TOPAZ1: variants seen among roughly 807,000 people sequenced by gnomAD.
TOPAZ1 encodes testis and ovary specific TOPAZ 1, also known as protein TOPAZ1.
TOPAZ1 carries 66 observed loss-of-function variants against 172.2 expected under a neutral mutation model. That is an observed-to-expected ratio of 0.38 (90% confidence interval 0.31 to 0.47). The LOEUF (loss-of-function observed/expected upper bound fraction) is 0.47. Among genes scored for constraint, TOPAZ1 ranks in the 20% least tolerant of loss-of-function variants. The probability of loss-of-function intolerance (pLI) is 0.99; values close to 1 mark genes in which losing one functional copy is unlikely to be tolerated. For synonymous variants in TOPAZ1, 681 were observed against 683.9 expected (o/e 1.00, Z 0.07); for missense variants, 1,822 against 1,972.4 (o/e 0.92, Z 1.44).
At chr3:44,247,606 T>G (rs1699580638) in intron 2 of TOPAZ1, among the ~76,000 whole-genome samples, 1 of 152,166 alleles carries the variant, frequency 6.6e-6, no homozygotes, top group African/African-American at 2.4e-5. Flanking sequence ...TTTAAATTGG[T>G]TCAGTCCCTA....
At chr3:44,327,242 C>T (rs1377063009) in intron 18 of TOPAZ1, among the ~76,000 whole-genome samples, 1 of 152,182 alleles carries the variant, frequency 6.6e-6, no homozygotes, top group Admixed American at 6.5e-5. Flanking sequence ...AAAGATTAGC[C>T]ATTACCCATA....
chr3:44,316,331 G>A (rs1208181996), intron 16 of TOPAZ1, among the ~76,000 whole-genome samples: 1 of 152,144 alleles, frequency 6.6e-6, no homozygotes, highest in Admixed American at 6.5e-5. Flanking sequence ...CAGATTTACT[G>A]TGATTTTTGT....
Position 44,267,117 on chromosome 3 carries a change from A to G in TOPAZ1, c.3141A>G (p.Ile1047Met), listed in dbSNP as rs376879979. ...TAAGTGGTCGTCAAGAAGACACAAT[A>G]CTGAATACCTGGATGAATGGTACTA... ...LNLSGRQEDT[I>M]LNTWMNDFRF... Residue 1047 changes from isoleucine to methionine, a missense_variant, in exon 6 of 20, where the codon ATA becomes ATG. Physicochemically the swap from Ile to Met is conservative, Grantham distance 10. Transcript: ENST00000309765. 1.2e-4 allele frequency: 191 copies of G among 1,538,610 alleles called. No homozygotes were observed. The African/African-American group carries it at 2.3e-3, about 18-fold the overall frequency.
At chr3:44,319,281 G>C (rs1700484820) in intron 16 of TOPAZ1, among the ~76,000 whole-genome samples, 1 of 152,122 alleles carries the variant, frequency 6.6e-6, no homozygotes, top group African/African-American at 2.4e-5. Context: ...TGGGGAGAGA[G>C]CATGCTAGGT....
chr3:44,324,144 G>A (rs1184088040), intron 18 of TOPAZ1, among the ~76,000 whole-genome samples: 1 of 152,058 alleles, frequency 6.6e-6, no homozygotes, highest in African/African-American at 2.4e-5. Context: ...AAAATACTAG[G>A]GTACATTACA....
At chr3:44,280,950 A>G (rs996763) in intron 8 of TOPAZ1, among the ~76,000 whole-genome samples, 126,019 of 152,166 alleles carry the variant, frequency 0.83, 52,236 homozygotes, top group Middle Eastern at 0.9. Flanking sequence ...GGACTGAGGA[A>G]TTTGTGGGAC....
intron 12 of TOPAZ1, among the ~76,000 whole-genome samples, chr3:44,292,543 T>C (rs940429748): frequency 1.8e-5 from 2 of 114,078 alleles, no homozygotes; most frequent in Admixed American, 1.9e-4. Context: ...CTCAAGAGAA[T>C]AGCAGTATCT....
At chr3:44,300,506 A>G (rs954279755) in intron 12 of TOPAZ1, among the ~76,000 whole-genome samples, 5 of 152,256 alleles carry the variant, frequency 3.3e-5, no homozygotes, top group African/African-American at 9.6e-5. Context: ...AACTAAGCAC[A>G]TGAAAATAAG....
rs768592471 is a variant in TOPAZ1 at position 44,242,105 on chromosome 3, A to C, written c.52A>C (p.Asn18His). 3 of 1,548,128 alleles carry C rather than the reference A, an allele frequency of 1.9e-6. No homozygotes were observed. The highest frequency in any genetic ancestry group is 2.6e-6 in the Non-Finnish European group (3 of 1,146,506). The stretch of plus-strand genomic sequence containing the variant: ...CACGACGGCCTCAGGGCCTGAAGGC[A>C]ATGTGCGAAACCTGCAGAAGCGGCA... ...GPTTASGPEG[N>H]VRNLQKRQAP... Residue 18 changes from asparagine to histidine, a missense_variant, in exon 1 of 20, where the codon AAT becomes CAT. This residue lies in a region of TOPAZ1 where 1,489 missense variants were observed against 1,490.8 expected (regional missense o/e 1.00). Transcript: ENST00000309765.
intron 12 of TOPAZ1, among the ~76,000 whole-genome samples, chr3:44,298,917 T>A (rs1204562610): frequency 0.3 from 9,640 of 32,370 alleles, 892 homozygotes; most frequent in Non-Finnish European, 0.35. Flanking sequence ...ATATTTTTTT[T>A]TTTTTTTTTT....
Position 44,244,845 on chromosome 3 carries a change from G to A in TOPAZ1, c.2339G>A (p.Ser780Asn). The change falls in exon 2 of 20, where the codon AGC (serine) becomes AAC (asparagine). Residue 780 changes from serine to asparagine, a missense_variant. By Grantham distance (46) the Ser-to-Asn change is conservative (BLOSUM62 1). This residue lies in a region of TOPAZ1 where 1,489 missense variants were observed against 1,490.8 expected (regional missense o/e 1.00). Transcript: ENST00000309765. The part of the protein sequence containing the change: ...SPSFTKQGNN[S>N]KPSNHVSEPG... ...AGCTTTACAAAGCAAGGTAACAATA[G>A]CAAACCATCTAATCACGTCTCTGAA... The A allele has an allele frequency of 6.4e-7, 1 of 1,551,616 alleles. No homozygotes were observed. The highest frequency in any genetic ancestry group is 8.7e-7 in the Non-Finnish European group (1 of 1,146,978).
At chr3:44,271,433 T>C (rs1199495670) in intron 8 of TOPAZ1, among the ~76,000 whole-genome samples, 1 of 152,200 alleles carries the variant, frequency 6.6e-6, no homozygotes, top group African/African-American at 2.4e-5. Context: ...TATGCTCTAT[T>C]TGGAAATATA....
intron 16 of TOPAZ1, 63 bp downstream of exon 16, chr3:44,310,053 G>A (rs1348112009): frequency 1.4e-6 from 2 of 1,407,734 alleles, no homozygotes; most frequent in East Asian, 5.0e-5. Flanking sequence ...TTTTGTCTAT[G>A]TAATTACCTT....
intron 8 of TOPAZ1, among the ~76,000 whole-genome samples, chr3:44,276,624 CT>C (rs762865769): frequency 4.0e-3 from 96 of 24,104 alleles, no homozygotes; most frequent in African/African-American, 0.015. Flanking sequence ...CAGCTTTGTT[CT>C]TTTTTTTTTT....
At chr3:44,330,772 A>G (rs938759928) in intron 19 of TOPAZ1, among the ~76,000 whole-genome samples, 4 of 152,368 alleles carry the variant, frequency 2.6e-5, no homozygotes, top group Admixed American at 6.5e-5. Flanking sequence ...CCACACCTCT[A>G]TTTTAAATAG....
intron 16 of TOPAZ1, among the ~76,000 whole-genome samples, chr3:44,313,345 C>T (rs1389199109): frequency 6.6e-6 from 1 of 152,002 alleles, no homozygotes; most frequent in Non-Finnish European, 1.5e-5. Context: ...GGTGCGGTGG[C>T]TCATGCCTGT....
intron 8 of TOPAZ1, among the ~76,000 whole-genome samples, chr3:44,277,607 TAG>T (rs1392492070): frequency 2.0e-5 from 3 of 152,180 alleles, no homozygotes; most frequent in Admixed American, 1.3e-4. Context: ...ATATGGCTGA[TAG>T]AGTTTGGATA....
At chr3:44,248,994 C>T (rs1207428022) in intron 2 of TOPAZ1, among the ~76,000 whole-genome samples, 1 of 152,136 alleles carries the variant, frequency 6.6e-6, no homozygotes, top group Non-Finnish European at 1.5e-5. Flanking sequence ...TACTAGAGCT[C>T]ATTCACTAAA....
At chr3:44,253,497 G>A (rs907812212) in intron 2 of TOPAZ1, among the ~76,000 whole-genome samples, 9 of 152,110 alleles carry the variant, frequency 5.9e-5, no homozygotes, top group Admixed American at 6.6e-5. Context: ...TGTTAAGGTT[G>A]ATACCTGGTT....
Sources: gnomAD v4.1 joint callset for allele counts (sites outside exome capture counted in the v4.1 genomes callset) on GRCh38, gnomAD v4.1.1 for gene constraint, gnomAD v4.1.1 regional missense constraint, MANE v1.5 for transcripts, NCBI Gene and HGNC (gene_info 2026-07-23, HGNC 2026-07-21) for gene names.